APOLD1: variants seen among roughly 807,000 people sequenced by gnomAD.
APOLD1 encodes apolipoprotein L domain-containing protein 1.
A neutral mutation model predicts 15.3 loss-of-function variants in APOLD1; 22 were observed. That is an observed-to-expected ratio of 1.44 (90% confidence interval 1.03 to 2.05). APOLD1 has a LOEUF of 2.05. APOLD1 is among the 30% of genes most tolerant of loss of function. The probability of loss-of-function intolerance (pLI) is 0.00; values close to 1 mark genes in which losing one functional copy is unlikely to be tolerated. For missense variants in APOLD1, 394 were observed against 353.5 expected, an observed-to-expected ratio of 1.11 and a Z score of -0.92; for synonymous variants, 190 against 167.4, an observed-to-expected ratio of 1.13 and a Z score of -1.04.
intron 1 of APOLD1, among the ~76,000 whole-genome samples, chr12:12,749,807 A>G (rs532094330): frequency 9.2e-5 from 14 of 152,314 alleles, no homozygotes; most frequent in African/African-American, 3.1e-4. Context: ...TTCGTTTTCA[A>G]TAAATCCCTG....
At chr12:12,729,380 A>G (rs1946619076) in intron 1 of APOLD1, among the ~76,000 whole-genome samples, 1 of 152,214 alleles carries the variant, frequency 6.6e-6, no homozygotes, top group East Asian at 1.9e-4. Flanking sequence ...AGTTGGGGAA[A>G]GACTTTCTGA....
intron 1 of APOLD1, among the ~76,000 whole-genome samples, chr12:12,737,537 C>A (rs1456452083): frequency 6.6e-6 from 1 of 152,190 alleles, no homozygotes; most frequent in Non-Finnish European, 1.5e-5. Context: ...CCCTGCCAAA[C>A]TGAGACCTGA....
intron 1 of APOLD1, among the ~76,000 whole-genome samples, chr12:12,761,828 T>TAGAGAGAGAGAGAGAGAG (rs1335110034): frequency 1.9e-4 from 4 of 20,644 alleles, no homozygotes; most frequent in East Asian, 1.5e-3. Flanking sequence ...TATGTATATG[T>TAGAGAGAGAGAGAGAGAG]ATAGAGAGAG....
chr12:12,742,130 G>A (rs1221545787), intron 1 of APOLD1, among the ~76,000 whole-genome samples: 1 of 152,150 alleles, frequency 6.6e-6, no homozygotes, highest in Non-Finnish European at 1.5e-5. Flanking sequence ...GCTATGTCCG[G>A]AATGGCTCTA....
chr12:12,738,202 CTTTTTTTTTTTT>C (rs71436733), intron 1 of APOLD1, among the ~76,000 whole-genome samples: 1 of 117,556 alleles, frequency 8.5e-6, no homozygotes, highest in East Asian at 2.6e-4. Context: ...CAAGCAAGTC[CTTTTTTTTTTTT>C]TTTTTTTTAA....
intron 1 of APOLD1, among the ~76,000 whole-genome samples, chr12:12,727,860 A>G (rs561862832): frequency 2.1e-4 from 32 of 151,828 alleles, no homozygotes; most frequent in South Asian, 4.1e-4. Flanking sequence ...TTGGCCTCCC[A>G]AAGTGCTGAG....
intron 1 of APOLD1, among the ~76,000 whole-genome samples, chr12:12,774,546 C>CAAAAAAAAAAAAAAAAAAAAAAAAAAA (rs57343706): frequency 4.7e-5 from 2 of 42,286 alleles, no homozygotes; most frequent in African/African-American, 7.6e-5. Flanking sequence ...ACTCTAACTC[C>CAAAAAAAAAAAAAAAAAAAAAAAAAAA]AAAAAAAAAA....
intron 1 of APOLD1, among the ~76,000 whole-genome samples, chr12:12,759,106 T>A (rs902745029): frequency 6.6e-6 from 1 of 152,172 alleles, no homozygotes; most frequent in African/African-American, 2.4e-5. Flanking sequence ...GGCACGAGAT[T>A]TCATCACGCT....
intron 1 of APOLD1, among the ~76,000 whole-genome samples, chr12:12,754,470 G>A (rs1325128950): frequency 6.6e-6 from 1 of 151,766 alleles, no homozygotes; most frequent in Non-Finnish European, 1.5e-5. Flanking sequence ...TTTATTTAGA[G>A]ACGGAGTCTT....
intron 1 of APOLD1, among the ~76,000 whole-genome samples, chr12:12,779,312 T>A (rs1256839293): frequency 6.6e-6 from 1 of 152,150 alleles, no homozygotes; most frequent in African/African-American, 2.4e-5. Flanking sequence ...CCAATAGATT[T>A]GCCGTCTCCT....
chr12:12,782,176 T>C (rs1257637846), upstream of APOLD1, among the ~76,000 whole-genome samples: 1 of 151,950 alleles, frequency 6.6e-6, no homozygotes, highest in African/African-American at 2.4e-5. Context: ...GGAGAATCGT[T>C]TGAACCTGGA....
intron 1 of APOLD1, among the ~76,000 whole-genome samples, chr12:12,735,519 G>C (rs1946677951): frequency 1.3e-5 from 2 of 152,124 alleles, no homozygotes; most frequent in South Asian, 2.1e-4. Context: ...TTGTGGCTGG[G>C]GGGCAGTGAG....
intron 1 of APOLD1, among the ~76,000 whole-genome samples, chr12:12,770,139 G>A (rs1280341142): frequency 6.6e-6 from 1 of 152,208 alleles, no homozygotes; most frequent in Non-Finnish European, 1.5e-5. Flanking sequence ...GCCGGGGGCG[G>A]TGGCTCACGT....
upstream of APOLD1, among the ~76,000 whole-genome samples, chr12:12,784,066 T>C (rs963708558): frequency 1.3e-5 from 2 of 152,176 alleles, no homozygotes; most frequent in African/African-American, 4.8e-5. Context: ...TTCCAAGATA[T>C]GGGCTGAGGT....
intron 1 of APOLD1, among the ~76,000 whole-genome samples, chr12:12,744,894 C>T (rs987942872): frequency 6.6e-6 from 1 of 152,142 alleles, no homozygotes; most frequent in African/African-American, 2.4e-5. Flanking sequence ...AACAAGATCC[C>T]TGTGCCACGA....
chr12:12,730,681 A>T (rs1245640252), intron 1 of APOLD1, among the ~76,000 whole-genome samples: 7 of 106,392 alleles, frequency 6.6e-5, no homozygotes, highest in Admixed American at 5.5e-4. Flanking sequence ...GACTTCCTCT[A>T]AAAAAAAAAA....
intron 1 of APOLD1, among the ~76,000 whole-genome samples, chr12:12,763,514 TGG>T (rs71064323): frequency 1.9e-3 from 286 of 150,370 alleles, no homozygotes; most frequent in Non-Finnish European, 3.0e-3. Flanking sequence ...ATATTGTGTG[TGG>T]GGGGGGGGAA....
At position 12,787,841 on chromosome 12, in the gene APOLD1, T is replaced by G; in HGVS notation, c.*189T>G. ...CCATCACTGTGACATCTGCCTGGGC[T>G]TGAGTGCTACGGACTTTTCAGTCTT... On this transcript the variant is annotated 3_prime_UTR_variant, in exon 2 of 2. Coordinates refer to ENST00000356591, the MANE Select transcript of APOLD1 (RefSeq NM_030817.3). This position sits in a 1 kb window ranked among gnomAD's most constrained non-coding sequence, Gnocchi z 4.9. 13 of 790,636 alleles carry G rather than the reference T, an allele frequency of 1.6e-5. No homozygotes were observed. Among genetic ancestry groups the G allele is most frequent in the Non-Finnish European group, 2.3e-5 (12 of 519,036 alleles). The allele number at this position is 790,636 out of a possible 1,614,324, so 49.0% of individuals were successfully genotyped here.
In APOLD1 at chr12:12,729,736, C is replaced by T. The variant is rs147235466; in HGVS notation, c.96+3640C>T. Among the ~76,000 whole-genome samples the T allele has an allele frequency of 3.3e-5, 5 of 152,032 alleles. 1 individual carries two copies. The highest frequency in any genetic ancestry group is 3.4e-3 in the Middle Eastern group (1 of 294). On this transcript the variant is annotated intron_variant, in intron 1 of 1. Transcript: ENST00000326765. ...ACAGTGAGCTATGATTTTACTACTG[C>T]ACTCCAGCCTGGCAGCTCTAAAAAA...
Sources: gnomAD v4.1 joint callset for allele counts (sites outside exome capture counted in the v4.1 genomes callset) on GRCh38, gnomAD v4.1.1 for gene constraint, Gnocchi (gnomAD v3.1) non-coding constraint, MANE v1.5 for transcripts, NCBI Gene and HGNC (gene_info 2026-07-23, HGNC 2026-07-21) for gene names.